The following MGAT5 variants were observed in gnomAD, a reference collection of about 807,000 sequenced individuals.
The protein encoded by MGAT5 is alpha-1,6-mannosylglycoprotein 6-beta-N-acetylglucosaminyltransferase.
In MGAT5, 30 loss-of-function variants were observed where a neutral mutation model predicts 94.3. That is an observed-to-expected ratio of 0.32 (90% CI 0.24 to 0.43). The LOEUF is 0.43. Ranked by LOEUF, MGAT5 falls within the 20% of genes least tolerant of loss-of-function variation. MGAT5 has a pLI of 1.00. For missense variants in MGAT5, 691 were observed against 905.5 expected (o/e 0.76, Z 3.04); for synonymous variants, 310 against 322.9 (o/e 0.96, Z 0.43).
At chr2:134,382,783 G>T (rs1487107379) in intron 10 of MGAT5, among the ~76,000 whole-genome samples, 1 of 152,186 alleles carries the variant, frequency 6.6e-6, no homozygotes, top group Non-Finnish European at 1.5e-5. Context: ...GAACATTGGG[G>T]CGGCCAGACT....
At chr2:134,434,789 C>T (rs750312924) in intron 14 of MGAT5, among the ~76,000 whole-genome samples, 3 of 152,154 alleles carry the variant, frequency 2.0e-5, no homozygotes, top group Non-Finnish European at 4.4e-5. Flanking sequence ...AAGTGGCCTG[C>T]GCATCCTATT....
chr2:134,159,129 A>G (rs934525066), intron 1 of MGAT5, among the ~76,000 whole-genome samples: 2 of 152,090 alleles, frequency 1.3e-5, no homozygotes, highest in Admixed American at 1.3e-4. Context: ...CTACCAGAAC[A>G]TTTAAAATTA....
chr2:134,391,172 G>A (rs954491882), intron 10 of MGAT5, among the ~76,000 whole-genome samples: 3 of 152,118 alleles, frequency 2.0e-5, no homozygotes, highest in Admixed American at 1.3e-4. Context: ...CATTGGCTGG[G>A]GATGGGGATT....
chr2:134,285,933 A>G lies in MGAT5; in HGVS notation c.406+15383A>G, dbSNP rs940520349. Among the ~76,000 whole-genome samples, 24 of 152,222 alleles carry G rather than the reference A, an allele frequency of 1.6e-4. 1 individual carries two copies. The highest frequency in any genetic ancestry group is 5.5e-4 in the African/African-American group (23 of 41,444). The stretch of plus-strand genomic sequence containing the variant: ...TGCTTACTTTATAAGGACACTGCTT[A>G]GCCACTTACTAAAATAAAATAAGGT... On this transcript the variant is annotated intron_variant, in intron 2 of 15. Transcript: ENST00000281923.
intron 1 of MGAT5, among the ~76,000 whole-genome samples, chr2:134,189,275 C>T (rs554184152): frequency 3.0e-4 from 46 of 152,246 alleles, no homozygotes; most frequent in African/African-American, 1.1e-3. Context: ...CAGACTCCAG[C>T]CTGAGTCATC....
At chr2:134,139,664 C>T (rs1328011661) in intron 1 of MGAT5, among the ~76,000 whole-genome samples, 1 of 152,120 alleles carries the variant, frequency 6.6e-6, no homozygotes, top group Non-Finnish European at 1.5e-5. Flanking sequence ...ATTATTTGTT[C>T]GCAGTGTCAT....
intron 1 of MGAT5, among the ~76,000 whole-genome samples, chr2:134,223,169 G>A (rs1680874995): frequency 6.6e-6 from 1 of 152,082 alleles, no homozygotes; most frequent in South Asian, 2.1e-4. Context: ...TAGTTTAGAA[G>A]GCAACTGAAC....
intron 1 of MGAT5, among the ~76,000 whole-genome samples, chr2:134,235,137 T>C (rs890853160): frequency 2.0e-5 from 3 of 152,184 alleles, no homozygotes; most frequent in Non-Finnish European, 4.4e-5. Context: ...AGCTGAGAAG[T>C]GGCTGCCCTA....
chr2:134,134,878 AAAT>A, intron 1 of MGAT5, among the ~76,000 whole-genome samples: 1 of 152,374 alleles, frequency 6.6e-6, no homozygotes, highest in African/African-American at 2.4e-5. Flanking sequence ...AGGTATAAGC[AAAT>A]AATCGTTGCA....
Position 134,167,328 on chromosome 2 carries a change from C to T in MGAT5, c.-143+47037C>T, listed in dbSNP as rs112691487. Among the ~76,000 whole-genome samples, 1,159 of 152,264 alleles carry T rather than the reference C, an allele frequency of 7.6e-3. 11 individuals are homozygous for T. The highest frequency in any genetic ancestry group is 0.026 in the African/African-American group (1,064 of 41,552). ...AGGTTTCTAAGGGACAGAAAAATGC[C>T]AGATAGTTTAAGGAAAAGAGCTGTC... On this transcript the variant is annotated intron_variant, in intron 1 of 16. Coordinates refer to the MGAT5 transcript ENST00000409645.
In MGAT5 at chr2:134,234,989, AT is replaced by A. The variant is rs11428271; in HGVS notation, c.-142-19263del. ...GATGCGTTTTATTTGGACCACCAGAATTTTTTTTTTAATCTAAATTAGCACC... is the reference window on the plus strand; with the variant it reads ...GATGCGTTTTATTTGGACCACCAGAATTTTTTTTTAATCTAAATTAGCACC... On this transcript the variant is annotated intron_variant, in intron 1 of 16. Transcript: ENST00000409645. 8.0e-4 allele frequency among the ~76,000 whole-genome samples: 120 copies of A among 150,880 alleles called. 1 individual carries two copies. The highest frequency in any genetic ancestry group is 2.8e-3 in the African/African-American group (117 of 41,160).
intron 9 of MGAT5, among the ~76,000 whole-genome samples, chr2:134,358,335 G>A (rs1023722501): frequency 3.3e-5 from 5 of 151,266 alleles, no homozygotes; most frequent in Non-Finnish European, 7.4e-5. Context: ...TGATGAAAAT[G>A]TAACTTATTT....
intron 1 of MGAT5, among the ~76,000 whole-genome samples, chr2:134,161,801 C>T (rs1187250388): frequency 2.6e-5 from 4 of 151,706 alleles, no homozygotes; most frequent in Admixed American, 6.6e-5. Flanking sequence ...AGTAATAGTA[C>T]CAGTGTATTT....
At chr2:134,267,718 C>G (rs954084646) in intron 1 of MGAT5, among the ~76,000 whole-genome samples, 22 of 152,302 alleles carry the variant, frequency 1.4e-4, no homozygotes, top group African/African-American at 4.8e-4. Context: ...GGGACTGTGT[C>G]CAGTAGTCTG....
chr2:134,324,956 A>G (rs1322007401), intron 4 of MGAT5, among the ~76,000 whole-genome samples: 1 of 151,480 alleles, frequency 6.6e-6, no homozygotes, highest in Non-Finnish European at 1.5e-5. Flanking sequence ...TTTCATCTGT[A>G]TATATTTGTT....
chr2:134,363,615 A>G (rs1315049390), intron 10 of MGAT5, among the ~76,000 whole-genome samples: 1 of 152,248 alleles, frequency 6.6e-6, no homozygotes, highest in African/African-American at 2.4e-5. Flanking sequence ...TGTAGTGGGT[A>G]GAGGCCAGGG....
intron 10 of MGAT5, among the ~76,000 whole-genome samples, chr2:134,395,959 A>C (rs1287669507): frequency 1.3e-5 from 2 of 152,242 alleles, no homozygotes; most frequent in East Asian, 1.9e-4. Context: ...AGGCCAGTAC[A>C]TGAAAGGAAG....
At chr2:134,221,379 A>G (rs1282339567) in intron 1 of MGAT5, among the ~76,000 whole-genome samples, 2 of 152,142 alleles carry the variant, frequency 1.3e-5, no homozygotes, top group African/African-American at 4.8e-5. Context: ...ACCTGGGATT[A>G]ATGGAAAGAA....
At chr2:134,240,681 T>G (rs189192376) in intron 1 of MGAT5, among the ~76,000 whole-genome samples, 162 of 152,348 alleles carry the variant, frequency 1.1e-3, no homozygotes, top group African/African-American at 3.7e-3. Flanking sequence ...CCTCATGCTA[T>G]TTTCCCTGTA....
Sources: allele counts gnomAD v4.1 joint callset (sites outside exome capture counted in the v4.1 genomes callset), GRCh38; gene constraint gnomAD v4.1.1; transcripts MANE v1.5; gene names NCBI Gene and HGNC (gene_info 2026-07-23, HGNC 2026-07-21).